Variants in GTF2H4 observed in about 807,000 individuals in gnomAD.
GTF2H4 encodes the protein BTF2 p52.
In GTF2H4, 49 loss-of-function variants were observed where a neutral mutation model predicts 62.2. That is an observed-to-expected ratio of 0.79 (90% CI 0.63 to 1.00). GTF2H4 has a LOEUF of 1.00. Among genes scored for constraint, GTF2H4 ranks in the 50% least tolerant of loss-of-function variants. GTF2H4 has a pLI of 0.00. For missense variants in GTF2H4, 479 were observed against 587.8 expected (o/e 0.81, Z 1.91); for synonymous variants, 189 against 233.8 (o/e 0.81, Z 1.75).
At chr6:30,908,623 GAGAT>G (rs1276252437) in intron 1 of GTF2H4, among the ~76,000 whole-genome samples, 7 of 152,206 alleles carry the variant, frequency 4.6e-5, no homozygotes, top group South Asian at 2.1e-4. Flanking sequence ...AGTGGGCTAA[GAGAT>G]AGAAGATAGG....
chr6:30,909,626 T>C lies in GTF2H4; in HGVS notation c.242+87T>C. On this transcript the variant is annotated intron_variant, in intron 3 of 13. Transcript: ENST00000259895. This position sits in a 1 kb window ranked among gnomAD's most constrained non-coding sequence, Gnocchi z 4.3. ...AGCACTTCCAGGAAGTGTTAATAGA[T>C]ATATCACAAAACTTAAAAATAAATA... The C allele has an allele frequency of 2.5e-6, 2 of 798,684 alleles. No homozygotes were observed. The highest frequency in any genetic ancestry group is 2.3e-5 in the Admixed American group (1 of 42,578). 49.5% of individuals were successfully genotyped at this position (798,684 alleles called of 1,614,324 possible).
At position 30,913,318 on chromosome 6, in the gene GTF2H4, C is replaced by T. The variant is rs750202064; in HGVS notation, c.1147C>T (p.Leu383=). ...HPVMLKQTPV[L]PPTITDQIRL... ...CCCTTGCTCCTTGCAGACACCTGTG[C>T]TGCCCCCCACCATCACCGACCAGAT... The change falls in exon 13 of 14, where the codon CTG becomes TTG. Residue 383 remains leucine (L), a synonymous_variant. Transcript: ENST00000259895. The surrounding 1 kb of genome is among the most constrained non-coding windows in gnomAD (Gnocchi z 4.2). 1.2e-6 allele frequency: 2 copies of T among 1,613,646 alleles called. No homozygotes were observed. The highest frequency in any genetic ancestry group is 1.7e-6 in the Non-Finnish European group (2 of 1,179,988).
rs1305564150 is a variant in GTF2H4, at chr6:30,912,237, C to T, written c.958+91C>T. On this transcript the variant is annotated intron_variant, in intron 10 of 13. Coordinates refer to ENST00000259895, the MANE Select transcript of GTF2H4 (RefSeq NM_001517.5). This position sits in a 1 kb window ranked among gnomAD's most constrained non-coding sequence, Gnocchi z 4.8. ...TGTTTACCTGGCAGTCTACAGAGCTCTCTGACATTTCTCATGACACTTGAA... is the reference window on the plus strand; with the variant it reads ...TGTTTACCTGGCAGTCTACAGAGCTTTCTGACATTTCTCATGACACTTGAA... The T allele has an allele frequency of 6.2e-6, 10 of 1,600,770 alleles. No homozygotes were observed. The highest frequency in any genetic ancestry group is 8.5e-7 in the Non-Finnish European group (1 of 1,172,296).
chr6:30,912,082 G>A lies in GTF2H4; in HGVS notation c.894G>A (p.Gly298=). 2 of 1,612,960 alleles carry A rather than the reference G, an allele frequency of 1.2e-6. No homozygotes were observed. The highest frequency in any genetic ancestry group is 2.2e-5 in the East Asian group (1 of 44,882). Residue 298 remains glycine (G), a synonymous_variant, in exon 10 of 14, where the codon GGG becomes GGA. Transcript: ENST00000259895. This position sits in a 1 kb window ranked among gnomAD's most constrained non-coding sequence, Gnocchi z 4.8. ...TCTCATCAGGTGTCTCTGGAGCTGG[G>A]GGCACTGTGCATCAGCCAGGTTTCA... ...INLSSGVSGA[G]GTVHQPGFIV...
Position 30,911,942 on chromosome 6 carries a change from C to G in GTF2H4, c.826-72C>G, listed in dbSNP as rs1793779147. The G allele has an allele frequency of 6.4e-7, 1 of 1,566,082 alleles. No homozygotes were observed. The highest frequency in any genetic ancestry group is 8.7e-7 in the Non-Finnish European group (1 of 1,148,026). On this transcript the variant is annotated intron_variant, in intron 9 of 13. Transcript: ENST00000259895. The surrounding 1 kb of genome is among the most constrained non-coding windows in gnomAD (Gnocchi z 4.3). The stretch of plus-strand genomic sequence containing the variant: ...TGAGGTTCTGCATCTTGGGAGGGAT[C>G]TGATATTTCAGGCAGGAAGATGTAA...
In GTF2H4 at chr6:30,909,264, G is replaced by T; in HGVS notation, c.137+91G>T. The T allele has an allele frequency of 6.9e-7, 1 of 1,459,576 alleles. No individual in the cohort carries two copies. The highest frequency in any genetic ancestry group is 9.2e-7 in the Non-Finnish European group (1 of 1,083,318). 90.4% of individuals were successfully genotyped at this position (1,459,576 alleles called of 1,614,324 possible). A position where few individuals can be genotyped will look rare whatever the true frequency, so the allele number is the denominator to read the frequency against. ...TAAAAGTGTAGCAGCCTGGAGTCGG[G>T]GTGGGGACTGGGGGCAAGGGTTGGA... On this transcript the variant is annotated intron_variant, in intron 2 of 13. Transcript: ENST00000259895. The surrounding 1 kb of genome is among the most constrained non-coding windows in gnomAD (Gnocchi z 4.3).
In GTF2H4 at chr6:30,912,541, G is replaced by C; in HGVS notation, c.1089+83G>C. On this transcript the variant is annotated intron_variant, in intron 11 of 13. Coordinates refer to ENST00000259895, the MANE Select transcript of GTF2H4 (RefSeq NM_001517.5). This position sits in a 1 kb window ranked among gnomAD's most constrained non-coding sequence, Gnocchi z 4.8. ...ACAGGGGTCACATTATGGAAGGCTA[G>C]CTCTGAGTCTGTTATAATAGGTGGT... The C allele has an allele frequency of 6.5e-7, 1 of 1,543,118 alleles. No individual in the cohort carries two copies. Among genetic ancestry groups the C allele is most frequent in the Non-Finnish European group, 8.9e-7 (1 of 1,129,266 alleles).
rs569010299 is a variant in GTF2H4, at chr6:30,910,670, A to C, written c.380A>C (p.Lys127Thr). Residue 127 changes from lysine (K) to threonine (T), a missense_variant, in exon 5 of 14, where the codon AAG becomes ACG. Physicochemically the swap from Lys to Thr is moderately conservative, Grantham distance 78. Transcript: ENST00000259895. This position sits in a 1 kb window ranked among gnomAD's most constrained non-coding sequence, Gnocchi z 4.7. ...NLRIALLGGG[K>T]AWSDDTSQLG... is the part of the protein sequence containing the mutation. The stretch of plus-strand genomic sequence containing the variant: ...TTGGCCCATCCTGGCCGTAGGGGGA[A>C]GGCCTGGTCTGATGACACAAGTCAG... 61 of 1,612,238 alleles carry C rather than the reference A, an allele frequency of 3.8e-5. No homozygotes were observed. The highest frequency in any genetic ancestry group is 4.8e-5 in the Non-Finnish European group (57 of 1,179,428).
chr6:30,913,502 T>A lies in GTF2H4; in HGVS notation c.1216+115T>A. 8.1e-7 allele frequency: 1 copy of A among 1,238,422 alleles called. No homozygotes were observed. Among genetic ancestry groups the A allele is most frequent in the Non-Finnish European group, 1.1e-6 (1 of 890,034 alleles). The allele number at this position is 1,238,422 out of a possible 1,614,324, so 76.7% of individuals were successfully genotyped here. On this transcript the variant is annotated intron_variant, in intron 13 of 13. Transcript: ENST00000259895. The surrounding 1 kb of genome is among the most constrained non-coding windows in gnomAD (Gnocchi z 4.2). ...AGGAGAGAAAAGCTGGCAAGACAGTTTTTTGTTGTTTTGGGGTGAGTCGGT... is the reference window on the plus strand; with the variant it reads ...AGGAGAGAAAAGCTGGCAAGACAGTATTTTGTTGTTTTGGGGTGAGTCGGT...
chr6:30,912,533 G>C lies in GTF2H4; in HGVS notation c.1089+75G>C. 5 of 1,568,674 alleles carry C rather than the reference G, an allele frequency of 3.2e-6. No individual in the cohort carries two copies. The highest frequency in any genetic ancestry group is 4.4e-6 in the Non-Finnish European group (5 of 1,148,734). On this transcript the variant is annotated intron_variant, in intron 11 of 13. Coordinates refer to ENST00000259895, the MANE Select transcript of GTF2H4 (RefSeq NM_001517.5). This position sits in a 1 kb window ranked among gnomAD's most constrained non-coding sequence, Gnocchi z 4.8. ...TGCGGGGGACAGGGGTCACATTATGGAAGGCTAGCTCTGAGTCTGTTATAA... is the reference window on the plus strand; with the variant it reads ...TGCGGGGGACAGGGGTCACATTATGCAAGGCTAGCTCTGAGTCTGTTATAA...
chr6:30,911,775 C>A lies in GTF2H4; in HGVS notation c.825+8C>A, dbSNP rs758454484. 1 of 1,609,814 alleles carries A rather than the reference C, an allele frequency of 6.2e-7. No homozygotes were observed. Among genetic ancestry groups the A allele is most frequent in the African/African-American group, 1.3e-5 (1 of 74,808 alleles). On this transcript the variant is annotated splice_region_variant and intron_variant, in intron 9 of 13. Transcript: ENST00000259895. This position sits in a 1 kb window ranked among gnomAD's most constrained non-coding sequence, Gnocchi z 4.3. Reference sequence around the variant, plus strand: ...CTTGTTTTCCAGAGGAAGGTATGAGCGCCTAGATAAGTGGCTTCCAGGGAA... The same window carrying A: ...CTTGTTTTCCAGAGGAAGGTATGAGAGCCTAGATAAGTGGCTTCCAGGGAA...
At position 30,913,226 on chromosome 6, in the gene GTF2H4, A is replaced by G; in HGVS notation, c.1137+69A>G. 7 of 1,612,562 alleles carry G rather than the reference A, an allele frequency of 4.3e-6. No individual in the cohort carries two copies. The highest frequency in any genetic ancestry group is 5.9e-6 in the Non-Finnish European group (7 of 1,178,804). ...GACATGATGGAAAAGAAAAAGGGGC[A>G]TCCAAATCTGGGGAAGAAACAGAGG... On this transcript the variant is annotated intron_variant, in intron 12 of 13. Coordinates refer to ENST00000259895, the MANE Select transcript of GTF2H4 (RefSeq NM_001517.5). The surrounding 1 kb of genome is among the most constrained non-coding windows in gnomAD (Gnocchi z 4.2).
At position 30,909,587 on chromosome 6, in the gene GTF2H4, C is replaced by A; in HGVS notation, c.242+48C>A. On this transcript the variant is annotated intron_variant, in intron 3 of 13. Transcript: ENST00000259895. The surrounding 1 kb of genome is among the most constrained non-coding windows in gnomAD (Gnocchi z 4.3). ...TTTCTCAACAGCTACATTTCCCAAA[C>A]TGCTGTTCCTTGGAGCACTTCCAGG... is the stretch of plus-strand genomic sequence containing the variant. The A allele has an allele frequency of 8.7e-7, 1 of 1,152,632 alleles. No homozygotes were observed. The highest frequency in any genetic ancestry group is 1.3e-6 in the Non-Finnish European group (1 of 762,324). The allele number at this position is 1,152,632 out of a possible 1,614,324, so 71.4% of individuals were successfully genotyped here. A position where few individuals can be genotyped will look rare whatever the true frequency, so the allele number is the denominator to read the frequency against.
chr6:30,909,076 C>A lies in GTF2H4; in HGVS notation c.40C>A (p.Leu14Ile), dbSNP rs778524199. The A allele has an allele frequency of 1.2e-6, 2 of 1,614,156 alleles. No individual in the cohort carries two copies. The stretch of plus-strand genomic sequence containing the variant: ...TTCAAGGGGACTGAACCGAGTACAC[C>A]TACAATGCAGGAATCTGCAGGAATT... ...TPSRGLNRVH[L>I]QCRNLQEFLG... The change falls in exon 2 of 14, where the codon CTA becomes ATA. Residue 14 changes from leucine (L) to isoleucine (I), a missense_variant. Transcript: ENST00000259895. The surrounding 1 kb of genome is among the most constrained non-coding windows in gnomAD (Gnocchi z 4.3).
At position 30,914,067 on chromosome 6, in the gene GTF2H4, T is replaced by A. The variant is rs756891560; in HGVS notation, c.*84T>A. On this transcript the variant is annotated 3_prime_UTR_variant, in exon 14 of 14. Transcript: ENST00000259895. ...AACTCAGGTGTTTTTTATTTACGCGTCAGGGCTTTTCTTGTTTAATAAAGT... is the reference window on the plus strand; with the variant it reads ...AACTCAGGTGTTTTTTATTTACGCGACAGGGCTTTTCTTGTTTAATAAAGT... 6.8e-5 allele frequency: 87 copies of A among 1,277,022 alleles called. No individual in the cohort carries two copies. Among genetic ancestry groups the A allele is most frequent in the Non-Finnish European group, 8.9e-5 (84 of 944,520 alleles). 79.1% of individuals were successfully genotyped at this position (1,277,022 alleles called of 1,614,324 possible). A position where few individuals can be genotyped will look rare whatever the true frequency, so the allele number is the denominator to read the frequency against.
In GTF2H4 at chr6:30,909,306, G is replaced by A; in HGVS notation, c.138-129G>A. 7.8e-7 allele frequency: 1 copy of A among 1,277,334 alleles called. No homozygotes were observed. The highest frequency in any genetic ancestry group is 1.1e-6 in the Non-Finnish European group (1 of 918,628). The allele number at this position is 1,277,334 out of a possible 1,614,324, so 79.1% of individuals were successfully genotyped here. A position where few individuals can be genotyped will look rare whatever the true frequency, so the allele number is the denominator to read the frequency against. ...AGGGTTGGAAATTGCTCTAAAGTGT[G>A]GAGGCCAAAACAGCAGGACTGGTAA... On this transcript the variant is annotated intron_variant, in intron 2 of 13. Coordinates refer to ENST00000259895, the MANE Select transcript of GTF2H4 (RefSeq NM_001517.5). This position sits in a 1 kb window ranked among gnomAD's most constrained non-coding sequence, Gnocchi z 4.3.
In GTF2H4 at chr6:30,911,128, C is replaced by T. The variant is rs775703945; in HGVS notation, c.561-30C>T. On this transcript the variant is annotated intron_variant, in intron 6 of 13. Coordinates refer to ENST00000259895, the MANE Select transcript of GTF2H4 (RefSeq NM_001517.5). This position sits in a 1 kb window ranked among gnomAD's most constrained non-coding sequence, Gnocchi z 4.3. ...GGGATAGTAGTCTTTCTCTGCATAT[C>T]ACCATCATTGTCCTGGTCTTTGTCT... is the stretch of plus-strand genomic sequence containing the variant. The T allele has an allele frequency of 2.0e-6, 3 of 1,530,688 alleles. No homozygotes were observed. Among genetic ancestry groups the T allele is most frequent in the Non-Finnish European group, 1.8e-6 (2 of 1,105,024 alleles). 94.8% of individuals were successfully genotyped at this position (1,530,688 alleles called of 1,614,324 possible).
Position 30,912,257 on chromosome 6 carries a change from C to A in GTF2H4, c.959-71C>A. The stretch of plus-strand genomic sequence containing the variant: ...GAGCTCTCTGACATTTCTCATGACA[C>A]TTGAAAGAAGGGCTTGAGGGAGTCT... On this transcript the variant is annotated intron_variant, in intron 10 of 13. Transcript: ENST00000259895. The surrounding 1 kb of genome is among the most constrained non-coding windows in gnomAD (Gnocchi z 4.8). 1 of 1,601,984 alleles carries A rather than the reference C, an allele frequency of 6.2e-7. No homozygotes were observed. The highest frequency in any genetic ancestry group is 8.5e-7 in the Non-Finnish European group (1 of 1,172,838).
chr6:30,909,913 C>T lies in GTF2H4; in HGVS notation c.243-19C>T, dbSNP rs1005424937. ...TTTGTTTTCCAAATACCCTACTCAC[C>T]TCTCTGCTTCTGTTCCAGGGCTCAG... On this transcript the variant is annotated intron_variant, in intron 3 of 13. Coordinates refer to ENST00000259895, the MANE Select transcript of GTF2H4 (RefSeq NM_001517.5). This position sits in a 1 kb window ranked among gnomAD's most constrained non-coding sequence, Gnocchi z 4.3. The T allele has an allele frequency of 1.9e-6, 3 of 1,604,914 alleles. No individual in the cohort carries two copies. The African/African-American group carries it at 4.0e-5, about 22-fold the overall frequency.
Sources: gnomAD v4.1 joint callset for allele counts (sites outside exome capture counted in the v4.1 genomes callset) on GRCh38, gnomAD v4.1.1 for gene constraint, Gnocchi (gnomAD v3.1) non-coding constraint, MANE v1.5 for transcripts, NCBI Gene and HGNC (gene_info 2026-07-23, HGNC 2026-07-21) for gene names.